TAFA1: variants seen among roughly 807,000 people sequenced by gnomAD.
TAFA1 encodes TAFA chemokine like family member 1.
A neutral mutation model predicts 18.5 loss-of-function variants in TAFA1; 4 were observed. That is an observed-to-expected ratio of 0.22 (90% CI 0.11 to 0.49). The LOEUF is 0.49. Ranked by LOEUF, TAFA1 falls within the 20% of genes least tolerant of loss-of-function variation. The probability of loss-of-function intolerance (pLI) is 0.98; values close to 1 mark genes in which losing one functional copy is unlikely to be tolerated. For synonymous variants in TAFA1, 56 were observed against 55.2 expected (o/e 1.01, Z -0.06); for missense variants, 147 against 169.0 (o/e 0.87, Z 0.72).
At chr3:68,433,032 T>C (rs1457783673) in intron 3 of TAFA1, among the ~76,000 whole-genome samples, 2 of 151,994 alleles carry the variant, frequency 1.3e-5, no homozygotes, top group Non-Finnish European at 2.9e-5. Context: ...AAACTCTAGG[T>C]CATTTTGTTC....
intron 2 of TAFA1, among the ~76,000 whole-genome samples, chr3:68,292,646 C>G (rs150085883): frequency 6.6e-6 from 1 of 152,144 alleles, no homozygotes; most frequent in South Asian, 2.1e-4. Flanking sequence ...CCTGCCTCAA[C>G]CTTCCAAGTA....
At chr3:68,466,873 G>A (rs975279842) in intron 3 of TAFA1, among the ~76,000 whole-genome samples, 1 of 152,102 alleles carries the variant, frequency 6.6e-6, no homozygotes, top group African/African-American at 2.4e-5. Context: ...TTAAAGCTGG[G>A]TATCAGGGGA....
chr3:68,019,058 A>G (rs1447755), intron 2 of TAFA1, among the ~76,000 whole-genome samples: 31,532 of 152,262 alleles, frequency 0.21, 3,810 homozygotes, highest in Non-Finnish European at 0.28. Flanking sequence ...TCAGGTTTCC[A>G]TTACAAACAA....
intron 2 of TAFA1, among the ~76,000 whole-genome samples, chr3:68,393,934 T>C (rs1377027842): frequency 6.6e-6 from 1 of 152,152 alleles, no homozygotes; most frequent in African/African-American, 2.4e-5. Flanking sequence ...GCTGGAAGCA[T>C]TCCCTTTGAA....
At chr3:68,532,915 G>C (rs963598355) in intron 3 of TAFA1, among the ~76,000 whole-genome samples, 3 of 147,254 alleles carry the variant, frequency 2.0e-5, no homozygotes, top group African/African-American at 7.6e-5. Flanking sequence ...AATAATAAAA[G>C]TCTGACATAG....
At chr3:68,255,580 G>A (rs920397559) in intron 2 of TAFA1, among the ~76,000 whole-genome samples, 7 of 152,036 alleles carry the variant, frequency 4.6e-5, no homozygotes, top group African/African-American at 7.2e-5. Flanking sequence ...CTCTATGTCC[G>A]TTCAGGTGAT....
At chr3:68,332,746 C>G (rs1223508603) in intron 2 of TAFA1, among the ~76,000 whole-genome samples, 2 of 151,978 alleles carry the variant, frequency 1.3e-5, no homozygotes, top group African/African-American at 4.8e-5. Flanking sequence ...TGGCTGTTAT[C>G]AAAAAGTCAA....
At chr3:68,059,204 A>C (rs1002829683) in intron 2 of TAFA1, among the ~76,000 whole-genome samples, 2 of 152,170 alleles carry the variant, frequency 1.3e-5, no homozygotes, top group African/African-American at 2.4e-5. Context: ...GCAATAGCAA[A>C]TGCTCGTTGG....
intron 2 of TAFA1, among the ~76,000 whole-genome samples, chr3:68,212,396 T>C (rs545717438): frequency 6.6e-6 from 1 of 152,114 alleles, no homozygotes; most frequent in Middle Eastern, 3.4e-3. Context: ...CATGATATTC[T>C]TTGTGTTTTG....
intron 3 of TAFA1, among the ~76,000 whole-genome samples, chr3:68,500,688 T>A (rs1261366843): frequency 7.1e-6 from 1 of 140,462 alleles, no homozygotes; most frequent in Non-Finnish European, 1.5e-5. Context: ...CTGAAATATT[T>A]ATTATCTGGT....
chr3:68,305,863 A>T (rs2068409198), intron 2 of TAFA1, among the ~76,000 whole-genome samples: 1 of 152,150 alleles, frequency 6.6e-6, no homozygotes, highest in Admixed American at 6.5e-5. Flanking sequence ...GTGACTCCAC[A>T]CCTCATTTTC....
At chr3:68,540,516 T>C (rs116372537) in intron 4 of TAFA1, among the ~76,000 whole-genome samples, 171 of 152,344 alleles carry the variant, frequency 1.1e-3, no homozygotes, top group African/African-American at 3.9e-3. Flanking sequence ...CCTCACAAAT[T>C]GGTTTGTTTT....
At chr3:68,102,978 T>A (rs1178491259) in intron 2 of TAFA1, among the ~76,000 whole-genome samples, 4 of 152,318 alleles carry the variant, frequency 2.6e-5, no homozygotes, top group African/African-American at 9.6e-5. Context: ...TGGCCCTGAA[T>A]CTGTTTCCAG....
intron 2 of TAFA1, among the ~76,000 whole-genome samples, chr3:68,199,921 A>T (rs1199746812): frequency 6.6e-6 from 1 of 151,504 alleles, no homozygotes; most frequent in Non-Finnish European, 1.5e-5. Flanking sequence ...ATTGTTTTTG[A>T]TCTTAGTGGG....
chr3:68,083,663 C>A (rs748478298), intron 2 of TAFA1, among the ~76,000 whole-genome samples: 3 of 152,186 alleles, frequency 2.0e-5, no homozygotes, highest in Non-Finnish European at 2.9e-5. Context: ...AGCATCACTG[C>A]AGATCTGAGC....
chr3:68,056,719 T>C lies in TAFA1; in HGVS notation c.118+49975T>C, dbSNP rs561692708. 5.9e-5 allele frequency among the ~76,000 whole-genome samples: 9 copies of C among 152,244 alleles called. No individual in the cohort carries two copies. The East Asian group carries it at 1.4e-3, about 23-fold the overall frequency. ...TTTACATGCCAATTTCTGAGAGTCA[T>C]TGGCAAAGGGCTACTCCTAGAGGGT... On this transcript the variant is annotated intron_variant, in intron 2 of 4. Transcript: ENST00000478136.
chr3:68,022,809 TTATATATATATATTATATATAATA>T (rs1704719702), intron 2 of TAFA1, among the ~76,000 whole-genome samples: 1 of 117,508 alleles, frequency 8.5e-6, no homozygotes, highest in African/African-American at 3.2e-5. Context: ...TGTATAAGAT[TTATATATATATATTATATATAATA>T]TATATATATT....
At chr3:68,309,619 G>A (rs558400069) in intron 2 of TAFA1, among the ~76,000 whole-genome samples, 1 of 152,334 alleles carries the variant, frequency 6.6e-6, no homozygotes, top group African/African-American at 2.4e-5. Flanking sequence ...ATAGCTATTT[G>A]TGCATGAATA....
At chr3:68,040,902 T>G (rs1410950669) in intron 2 of TAFA1, among the ~76,000 whole-genome samples, 1 of 152,206 alleles carries the variant, frequency 6.6e-6, no homozygotes, top group Non-Finnish European at 1.5e-5. Flanking sequence ...TCCTTTCTGT[T>G]TCAAAACTTT....
Sources: allele counts gnomAD v4.1 joint callset (sites outside exome capture counted in the v4.1 genomes callset), GRCh38; gene constraint gnomAD v4.1.1; transcripts MANE v1.5; gene names NCBI Gene and HGNC (gene_info 2026-07-23, HGNC 2026-07-21).